DCLK1: variants seen among roughly 807,000 people sequenced by gnomAD.
DCLK1 encodes the protein serine/threonine-protein kinase DCLK1.
Under a neutral mutation model 86.2 loss-of-function variants are expected in DCLK1, and 16 were observed. The observed-to-expected ratio is 0.19, with a 90% CI of 0.13 to 0.28. The LOEUF is 0.28. Among genes scored for constraint, DCLK1 ranks in the 10% least tolerant of loss-of-function variants. DCLK1 has a pLI of 1.00. For missense variants in DCLK1, 590 were observed against 940.2 expected, an observed-to-expected ratio of 0.63 and a Z score of 4.87; for synonymous variants, 369 against 370.5, an observed-to-expected ratio of 1.00 and a Z score of 0.05.
intron 5 of DCLK1, chr13:35,855,483 G>C (rs1489482543): frequency 6.3e-7 from 1 of 1,584,930 alleles, no homozygotes; most frequent in Admixed American, 1.7e-5. Flanking sequence ...CTTTCCACAA[G>C]GGAGAGCAGC....
intron 14 of DCLK1, among the ~76,000 whole-genome samples, chr13:35,806,258 T>C (rs918758089): frequency 6.6e-6 from 1 of 152,188 alleles, no homozygotes. Flanking sequence ...AGGAAAGACA[T>C]AGAATTGGGT....
At chr13:36,123,923 C>T (rs1367865605) in intron 2 of DCLK1, among the ~76,000 whole-genome samples, 1 of 152,188 alleles carries the variant, frequency 6.6e-6, no homozygotes, top group Admixed American at 6.5e-5. Flanking sequence ...CTGTCATCTA[C>T]CACCTCCCAG....
chr13:36,033,056 C>G lies in DCLK1; in HGVS notation c.723+78813G>C, dbSNP rs565029990. On this transcript the variant is annotated intron_variant, in intron 3 of 16. Transcript: ENST00000360631. ...GGACTGATATACAAAACACACTGTG[C>G]GCCAAACATATCATTCTGATGGAAG... Among the ~76,000 whole-genome samples the G allele has an allele frequency of 2.2e-4, 33 of 152,300 alleles. No homozygotes were observed. In the South Asian group the frequency reaches 6.4e-3, roughly 30 times the overall value.
intron 5 of DCLK1, among the ~76,000 whole-genome samples, chr13:35,868,727 C>T (rs1872040961): frequency 6.6e-6 from 1 of 152,126 alleles, no homozygotes; most frequent in Non-Finnish European, 1.5e-5. Context: ...GCTGGCTAGG[C>T]TTATGACTTT....
At chr13:35,818,729 T>C (rs2087325846) in intron 11 of DCLK1, among the ~76,000 whole-genome samples, 1 of 152,160 alleles carries the variant, frequency 6.6e-6, no homozygotes, top group African/African-American at 2.4e-5. Context: ...ACTGATGGTT[T>C]TTATTGCTAA....
At chr13:35,979,601 T>C (rs1275689473) in intron 3 of DCLK1, among the ~76,000 whole-genome samples, 1 of 152,212 alleles carries the variant, frequency 6.6e-6, no homozygotes, top group Non-Finnish European at 1.5e-5. Flanking sequence ...CTGAATTTTC[T>C]TTTTTACTTT....
At chr13:35,789,195 C>A (rs755700609) in intron 16 of DCLK1, among the ~76,000 whole-genome samples, 2 of 152,154 alleles carry the variant, frequency 1.3e-5, no homozygotes, top group African/African-American at 2.4e-5. Context: ...CACCTTTCTT[C>A]AGAGGGGCTC....
Position 36,125,959 on chromosome 13 carries a change from C to T in DCLK1, c.179G>A (p.Arg60His), listed in dbSNP as rs1374686309. 6.2e-7 allele frequency: 1 copy of T among 1,614,044 alleles called. No homozygotes were observed. The highest frequency in any genetic ancestry group is 1.3e-5 in the African/African-American group (1 of 74,922). The change falls in exon 2 of 17, where the codon CGT becomes CAT. Residue 60 changes from arginine to histidine, a missense_variant. Around this residue, in one of 6 missense-constraint regions of DCLK1, gnomAD observed 195 missense variants for 365.1 expected, o/e 0.53. Transcript: ENST00000360631. ...LSSEKKAKKV[R>H]FYRNGDRYFK... ...GTATCGATCTCCGTTTCGATAGAAA[C>T]GAACTTTCTTGGCCTTCTTCTCGGA...
chr13:35,990,429 C>G (rs767760727), intron 3 of DCLK1, among the ~76,000 whole-genome samples: 1 of 152,094 alleles, frequency 6.6e-6, no homozygotes, highest in Middle Eastern at 3.4e-3. Context: ...TTGGCTATTG[C>G]GCCTCTGATC....
intron 3 of DCLK1, among the ~76,000 whole-genome samples, chr13:36,008,383 C>T (rs1215715532): frequency 2.4e-5 from 2 of 84,054 alleles, no homozygotes; most frequent in African/African-American, 4.9e-5. Context: ...CTCCCCCCTC[C>T]CCACCACAGT....
At chr13:35,859,354 G>C (rs1871255299) in intron 5 of DCLK1, among the ~76,000 whole-genome samples, 1 of 152,090 alleles carries the variant, frequency 6.6e-6, no homozygotes, top group Non-Finnish European at 1.5e-5. Flanking sequence ...TTAAAAAATA[G>C]GAAATGTCAT....
rs181506953 is a variant in DCLK1 at position 35,904,848 on chromosome 13, T to C, written c.824-33508A>G. Reference sequence around the variant, plus strand: ...AAAGGGGCATTTTGGCTTTTTGCCCTTCTACTGTGATTTCTGAAATCTAGT... The same window carrying C: ...AAAGGGGCATTTTGGCTTTTTGCCCCTCTACTGTGATTTCTGAAATCTAGT... On this transcript the variant is annotated intron_variant, in intron 4 of 16. Transcript: ENST00000360631. 2.2e-3 allele frequency among the ~76,000 whole-genome samples: 331 copies of C among 152,356 alleles called. 2 individuals are homozygous for C. The highest frequency in any genetic ancestry group is 3.3e-3 in the Non-Finnish European group (227 of 68,034).
intron 4 of DCLK1, among the ~76,000 whole-genome samples, chr13:35,946,622 T>C (rs143205033): frequency 6.6e-6 from 1 of 152,284 alleles, no homozygotes; most frequent in African/African-American, 2.4e-5. Flanking sequence ...TGTCAGTAAA[T>C]ATGCAATACT....
intron 2 of DCLK1, among the ~76,000 whole-genome samples, chr13:36,122,781 G>A (rs898386567): frequency 3.3e-5 from 5 of 152,138 alleles, no homozygotes; most frequent in African/African-American, 1.2e-4. Context: ...TTAAGTGTAT[G>A]TGTGTGAATA....
chr13:35,935,524 T>G (rs1593747427), intron 4 of DCLK1, among the ~76,000 whole-genome samples: 1 of 152,056 alleles, frequency 6.6e-6, no homozygotes, highest in Non-Finnish European at 1.5e-5. Flanking sequence ...AACCTTGGTG[T>G]TGAGAATGCT....
Position 35,992,932 on chromosome 13 carries a change from G to A in DCLK1, c.724-45475C>T, listed in dbSNP as rs149555069. 2.9e-3 allele frequency among the ~76,000 whole-genome samples: 434 copies of A among 151,992 alleles called. 4 individuals carry two copies. The highest frequency in any genetic ancestry group is 0.01 in the African/African-American group (417 of 41,434). ...CATCAGTGATCTCCAGTCTCTAATC[G>A]ATTATACACATGAAGCTACTGCTCT... On this transcript the variant is annotated intron_variant, in intron 3 of 16. Coordinates refer to ENST00000360631, the MANE Select transcript of DCLK1 (RefSeq NM_001330071.2).
chr13:36,040,285 C>G (rs1416890979), intron 3 of DCLK1, among the ~76,000 whole-genome samples: 1 of 148,598 alleles, frequency 6.7e-6, no homozygotes, highest in Non-Finnish European at 1.5e-5. Flanking sequence ...TTGGCTATTA[C>G]AGTTTCTTAG....
chr13:35,892,539 G>C (rs996778318), intron 4 of DCLK1, among the ~76,000 whole-genome samples: 1 of 152,166 alleles, frequency 6.6e-6, no homozygotes, highest in African/African-American at 2.4e-5. Context: ...CTCTACTTTA[G>C]ACTTAGGAAA....
intron 14 of DCLK1, among the ~76,000 whole-genome samples, chr13:35,806,170 A>T (rs1290323583): frequency 6.6e-6 from 1 of 152,180 alleles, no homozygotes; most frequent in Admixed American, 6.5e-5. Flanking sequence ...TTAAAATTTC[A>T]CTTTAGCAGC....
Sources: allele counts gnomAD v4.1 joint callset (sites outside exome capture counted in the v4.1 genomes callset), GRCh38; gene constraint gnomAD v4.1.1; regional missense constraint gnomAD v4.1.1; transcripts MANE v1.5; gene names NCBI Gene and HGNC (gene_info 2026-07-23, HGNC 2026-07-21).